Variants in ACSF3 observed in about 807,000 individuals in gnomAD.
ACSF3 encodes the protein malonate--CoA ligase ACSF3, mitochondrial.
In ACSF3, 78 loss-of-function variants were observed where a neutral mutation model predicts 53.2. The observed-to-expected ratio is 1.47, with a 90% CI of 1.22 to 1.77. The LOEUF (loss-of-function observed/expected upper bound fraction) is 1.77. Ranked by LOEUF, ACSF3 falls within the 40% of genes most tolerant of loss-of-function variation. ACSF3 has a pLI of 0.00. For missense variants in ACSF3, 937 were observed against 771.1 expected, an observed-to-expected ratio of 1.22 and a Z score of -2.55; for synonymous variants, 414 against 333.1, an observed-to-expected ratio of 1.24 and a Z score of -2.65.
chr16:89,094,439 C>G (rs1013285958), intron 1 of ACSF3, among the ~76,000 whole-genome samples: 1 of 152,336 alleles, frequency 6.6e-6, no homozygotes, highest in African/African-American at 2.4e-5. Flanking sequence ...CGGCCTAGCC[C>G]CTGAGGGCAT....
intron 8 of ACSF3, among the ~76,000 whole-genome samples, chr16:89,138,516 A>G (rs955035238): frequency 1.3e-5 from 2 of 152,212 alleles, no homozygotes; most frequent in Non-Finnish European, 2.9e-5. Context: ...CGCGGGGATG[A>G]CAGGTGCCGA....
At chr16:89,129,800 A>G (rs6500537) in intron 7 of ACSF3, among the ~76,000 whole-genome samples, 108,883 of 151,484 alleles carry the variant, frequency 0.72, 40,025 homozygotes, top group Non-Finnish European at 0.8. Flanking sequence ...TAGTTCCAGA[A>G]ACTACAATAT....
At chr16:89,136,919 C>T (rs1033907720) in intron 8 of ACSF3, 18 of 1,199,712 alleles carry the variant, frequency 1.5e-5, no homozygotes, top group Middle Eastern at 3.7e-4. Flanking sequence ...TGTCTTCAGA[C>T]GTCAAAGGTC....
Position 89,106,253 on chromosome 16 carries a change from CACTT to C in ACSF3, c.822+3499_822+3502del, listed in dbSNP as rs201871962. ...AGCCTCAGACCTTCACCGTTTTTGA[CACTT>C]ACTTGGGATTTTTCTTTAAACTATG... On this transcript the variant is annotated intron_variant, in intron 4 of 10. Coordinates refer to ENST00000614302, the MANE Select transcript of ACSF3 (RefSeq NM_001243279.3). 7.1e-3 allele frequency among the ~76,000 whole-genome samples: 1,081 copies of C among 152,286 alleles called. 6 individuals carry two copies. The highest frequency in any genetic ancestry group is 0.01 in the Non-Finnish European group (692 of 68,032).
chr16:89,097,899 C>T (rs116981345), intron 1 of ACSF3, among the ~76,000 whole-genome samples: 1,713 of 152,268 alleles, frequency 0.011, 15 homozygotes, highest in Non-Finnish European at 0.016. Context: ...TGCTGAGGTT[C>T]AGGGCCCTGC....
rs1975506025 is a variant in ACSF3, at chr16:89,102,774, G to C, written c.822+15G>C. 6.2e-7 allele frequency: 1 copy of C among 1,602,668 alleles called. No individual in the cohort carries two copies. The highest frequency in any genetic ancestry group is 8.5e-7 in the Non-Finnish European group (1 of 1,174,500). ...GCCCTCAGCAGGTGAGTTGGGGTCA[G>C]GGCTCTCGGTTGCACCCTCAGACTA... is the stretch of plus-strand genomic sequence containing the variant. On this transcript the variant is annotated intron_variant, in intron 4 of 10. Transcript: ENST00000614302.
rs769660715 is a variant in ACSF3 at position 89,114,395 on chromosome 16, A to C, written c.1034A>C (p.Asn345Thr). The C allele has an allele frequency of 5.6e-6, 9 of 1,614,060 alleles. No homozygotes were observed. Among genetic ancestry groups the C allele is most frequent in the Non-Finnish European group, 7.6e-6 (9 of 1,180,032 alleles). Residue 345 changes from asparagine to threonine, a missense_variant, in exon 6 of 11, where the codon AAC (asparagine) becomes ACC (threonine). Transcript: ENST00000614302. ...LPLPVLEKWK[N>T]ITGHTLLERY... ...CTCCCAGTGCTGGAGAAGTGGAAGA[A>C]CATCACGGGCCACACCCTGCTGGAG...
intron 4 of ACSF3, among the ~76,000 whole-genome samples, chr16:89,104,584 C>T (rs919386340): frequency 1.4e-4 from 21 of 152,306 alleles, no homozygotes; most frequent in African/African-American, 3.8e-4. Flanking sequence ...GGGGTCCCTG[C>T]AAGCAGTCAG....
intron 3 of ACSF3, 109 bp downstream of exon 3, chr16:89,101,456 G>T (rs1975331428): frequency 1.3e-6 from 2 of 1,535,538 alleles, no homozygotes; most frequent in Admixed American, 2.0e-5. Context: ...GTCATTCACA[G>T]TTGTCACCAT....
intron 1 of ACSF3, among the ~76,000 whole-genome samples, chr16:89,095,665 A>AG (rs1201241459): frequency 6.6e-6 from 1 of 152,194 alleles, no homozygotes; most frequent in Non-Finnish European, 1.5e-5. Context: ...TGTTGAAAGC[A>AG]GCCCTTCATT....
chr16:89,096,598 G>C (rs1030834919), intron 1 of ACSF3, among the ~76,000 whole-genome samples: 26 of 152,200 alleles, frequency 1.7e-4, no homozygotes. Context: ...CTTGGTGGGA[G>C]AATAAATCAG....
At chr16:89,110,874 C>T (rs916288085) in intron 4 of ACSF3, among the ~76,000 whole-genome samples, 4 of 152,190 alleles carry the variant, frequency 2.6e-5, no homozygotes, top group South Asian at 2.1e-4. Context: ...TGCTGTCTCC[C>T]GCACTCTGGT....
At position 89,112,184 on chromosome 16, in the gene ACSF3, C is replaced by G. The variant is rs765321738; in HGVS notation, c.915C>G (p.Asp305Glu). 5 of 1,408,690 alleles carry G rather than the reference C, an allele frequency of 3.5e-6. No individual in the cohort carries two copies. The Admixed American group carries it at 6.7e-5, about 19-fold the overall frequency. The allele number at this position is 1,408,690 out of a possible 1,614,324, so 87.3% of individuals were successfully genotyped here. A position where few individuals can be genotyped will look rare whatever the true frequency, so the allele number is the denominator to read the frequency against. ...TIYTKLMEYY[D>E]RHFTQPHAQD... The stretch of plus-strand genomic sequence containing the variant: ...ACACCAAGCTGATGGAGTACTACGA[C>G]AGGCATTTTACCCAGCCGCACGCCC... The change falls in exon 5 of 11, where the codon GAC (aspartate) becomes GAG (glutamate). Residue 305 changes from aspartate (D) to glutamate (E), a missense_variant. Physicochemically the swap from Asp to Glu is conservative, Grantham distance 45 (BLOSUM62 2). Transcript: ENST00000614302.
At chr16:89,144,535 C>G in intron 8 of ACSF3, among the ~76,000 whole-genome samples, 1 of 152,194 alleles carries the variant, frequency 6.6e-6, no homozygotes, top group East Asian at 1.9e-4. Flanking sequence ...TGGAGCCCAC[C>G]GTGGTGGGAT....
chr16:89,124,139 A>C (rs1171810649), intron 7 of ACSF3, among the ~76,000 whole-genome samples: 1 of 151,558 alleles, frequency 6.6e-6, no homozygotes, highest in African/African-American at 2.4e-5. Context: ...ACACACATGC[A>C]GTGTCCACAC....
intron 7 of ACSF3, among the ~76,000 whole-genome samples, chr16:89,125,527 C>T (rs1907829523): frequency 6.6e-6 from 1 of 151,872 alleles, no homozygotes; most frequent in African/African-American, 2.4e-5. Context: ...AACCCTGTCT[C>T]TACTGAAAAT....
Position 89,145,937 on chromosome 16 carries a change from G to T in ACSF3, c.1502-1G>T, listed in dbSNP as rs750796059. On this transcript the variant is annotated splice_acceptor_variant, in intron 9 of 10. Coordinates refer to ENST00000614302, the MANE Select transcript of ACSF3 (RefSeq NM_001243279.3). LOFTEE classifies it high-confidence loss of function. ...TTCTCAAACTGTTCTTCTATCCGCAGATGTGGCTGTGATTGGAGTTCCGGA... is the reference window on the plus strand; with the variant it reads ...TTCTCAAACTGTTCTTCTATCCGCATATGTGGCTGTGATTGGAGTTCCGGA... 6.2e-7 allele frequency: 1 copy of T among 1,613,668 alleles called. No individual in the cohort carries two copies. The highest frequency in any genetic ancestry group is 2.2e-5 in the East Asian group (1 of 44,878).
rs199637756 is a variant in ACSF3, at chr16:89,114,511, G to A, written c.1126+24G>A. The A allele has an allele frequency of 5.8e-5, 94 of 1,608,398 alleles. 1 individual carries two copies. Among genetic ancestry groups the A allele is most frequent in the Admixed American group, 2.0e-4 (12 of 59,994 alleles). On this transcript the variant is annotated intron_variant, in intron 6 of 10. Coordinates refer to ENST00000614302, the MANE Select transcript of ACSF3 (RefSeq NM_001243279.3). ...AGGTACGAGCACTTCCCACAGCTGC[G>A]TTCCTCTTCCACTGTGCTCTGAGCC...
chr16:89,114,058 T>A (rs565294126), intron 5 of ACSF3: 1 of 483,068 alleles, frequency 2.1e-6, no homozygotes, highest in African/African-American at 1.9e-5. Flanking sequence ...CCGCGGACCC[T>A]AAGCACATTG....
Sources: allele counts gnomAD v4.1 joint callset (sites outside exome capture counted in the v4.1 genomes callset), GRCh38; gene constraint gnomAD v4.1.1; transcripts MANE v1.5; gene names NCBI Gene and HGNC (gene_info 2026-07-23, HGNC 2026-07-21).